Variants in VPS13C observed in about 807,000 individuals in gnomAD.
VPS13C encodes intermembrane lipid transfer protein VPS13C.
Under a neutral mutation model 456.8 loss-of-function variants are expected in VPS13C, and 358 were observed. That is an observed-to-expected ratio of 0.78 (90% CI 0.72 to 0.86). The LOEUF (loss-of-function observed/expected upper bound fraction) is 0.86, where lower values mean the gene tolerates loss of function less well. Among genes scored for constraint, VPS13C ranks in the 40% least tolerant of loss-of-function variants. The pLI, the probability that VPS13C is intolerant of heterozygous loss-of-function variation, is 0.00. For missense variants in VPS13C, 4,818 were observed against 4,385.4 expected, an observed-to-expected ratio of 1.10 and a Z score of -2.79; for synonymous variants, 1,578 against 1,486.7, an observed-to-expected ratio of 1.06 and a Z score of -1.41.
chr15:61,904,508 C>T (rs1223370069), intron 66 of VPS13C, among the ~76,000 whole-genome samples: 1 of 150,352 alleles, frequency 6.7e-6, no homozygotes, highest in East Asian at 2.0e-4. Context: ...GAGATGCTGG[C>T]ATGGAAGTGG....
At chr15:61,916,096 T>C (rs943151312) in intron 60 of VPS13C, 74 bp from the exon 61 acceptor site, 6 of 1,460,480 alleles carry the variant, frequency 4.1e-6, no homozygotes, top group African/African-American at 1.4e-5. Flanking sequence ...TTTTCACAAA[T>C]GCTAAATAAA....
chr15:62,051,062 T>C (rs1397232223), intron 1 of VPS13C, among the ~76,000 whole-genome samples: 1 of 152,150 alleles, frequency 6.6e-6, no homozygotes, highest in Non-Finnish European at 1.5e-5. Flanking sequence ...GCTTTTTAAA[T>C]ACATAATGGC....
rs1211485124 is a variant in VPS13C, at chr15:62,037,240, A to AT, written c.188-2189dup. Reference sequence around the variant, plus strand: ...ATTATATAATATATTATATATAAATATATATAATATATTTATATATATTAT... The same window carrying AT: ...ATTATATAATATATTATATATAAATATTATATAATATATTTATATATATTAT... On this transcript the variant is annotated intron_variant, in intron 3 of 84. Coordinates refer to ENST00000644861, the MANE Select transcript of VPS13C (RefSeq NM_020821.3). 3.0e-3 allele frequency among the ~76,000 whole-genome samples: 235 copies of AT among 77,810 alleles called. 13 individuals carry two copies. In the East Asian group the frequency reaches 0.053, roughly 17 times the overall value. The allele number at this position is 77,810 out of a possible 152,430, so 51.0% of individuals were successfully genotyped here. A position where few individuals can be genotyped will look rare whatever the true frequency, so the allele number is the denominator to read the frequency against.
chr15:61,978,281 T>C (rs1192298920), intron 23 of VPS13C, among the ~76,000 whole-genome samples: 1 of 152,180 alleles, frequency 6.6e-6, no homozygotes, highest in Non-Finnish European at 1.5e-5. Context: ...GAAAATAATA[T>C]TGAGTCATCC....
At chr15:61,870,432 T>C (rs1036166172) in intron 79 of VPS13C, among the ~76,000 whole-genome samples, 3 of 152,196 alleles carry the variant, frequency 2.0e-5, no homozygotes, top group East Asian at 1.9e-4. Flanking sequence ...TTTTCAAGGT[T>C]CATCCATTTT....
intron 63 of VPS13C, among the ~76,000 whole-genome samples, chr15:61,911,016 CTAACTT>C (rs752521680): frequency 5.9e-5 from 9 of 152,136 alleles, no homozygotes; most frequent in Non-Finnish European, 1.0e-4. Context: ...TCTTAGGGCT[CTAACTT>C]TATTTATATT....
At chr15:61,958,744 CTA>C (rs1886755512) in intron 36 of VPS13C, 28 bp from the exon 37 acceptor site, 11 of 1,172,806 alleles carry the variant, frequency 9.4e-6, no homozygotes, top group Non-Finnish European at 1.3e-5. Context: ...AAAAAAAAAA[CTA>C]TATTACGTTT....
chr15:61,865,370 T>C lies in VPS13C; in HGVS notation c.10864-1842A>G, dbSNP rs554359397. On this transcript the variant is annotated intron_variant, in intron 81 of 84. Coordinates refer to ENST00000644861, the MANE Select transcript of VPS13C (RefSeq NM_020821.3). ...AAAACACAATGTAATGTCACCTCAA[T>C]AGATGGCAATACAAGAATTAAAAAT... The C allele has an allele frequency of 1.5e-5, 15 of 980,938 alleles. No homozygotes were observed. In the African/African-American group the frequency reaches 2.1e-4, roughly 14 times the overall value. 60.8% of individuals were successfully genotyped at this position (980,938 alleles called of 1,614,324 possible).
intron 81 of VPS13C, chr15:61,865,356 T>C (rs1894468476): frequency 1.0e-6 from 1 of 979,614 alleles, no homozygotes; most frequent in Non-Finnish European, 1.2e-6. Context: ...AAACACAATG[T>C]AATGTCACCT....
chr15:61,907,487 C>A lies in VPS13C; in HGVS notation c.8979-97G>T, dbSNP rs143559761. 851 of 1,443,250 alleles carry A rather than the reference C, an allele frequency of 5.9e-4. 3 individuals are homozygous for A. The African/African-American group carries it at 7.8e-3, about 13-fold the overall frequency. The allele number at this position is 1,443,250 out of a possible 1,614,324, so 89.4% of individuals were successfully genotyped here. On this transcript the variant is annotated intron_variant, in intron 65 of 84. Coordinates refer to ENST00000644861, the MANE Select transcript of VPS13C (RefSeq NM_020821.3). Reference sequence around the variant, plus strand: ...GGAAGGGATTAGCACAGAAGTCCTACGAAATTGCTGTGGTTAATAAAACAC... The same window carrying A: ...GGAAGGGATTAGCACAGAAGTCCTAAGAAATTGCTGTGGTTAATAAAACAC...
intron 76 of VPS13C, 140 bp from the exon 77 acceptor site, chr15:61,875,091 C>T (rs996262737): frequency 1.5e-6 from 1 of 655,656 alleles, no homozygotes; most frequent in East Asian, 3.1e-5. Flanking sequence ...TTCACTTCTA[C>T]CCCAAATATG....
In VPS13C at chr15:61,878,719, C is replaced by T. The variant is rs748206005; in HGVS notation, c.10030G>A (p.Gly3344Arg). The T allele has an allele frequency of 3.4e-5, 55 of 1,608,850 alleles. No homozygotes were observed. Among genetic ancestry groups the T allele is most frequent in the South Asian group, 2.4e-4 (22 of 90,358 alleles). ...KLHLSLSLGS[G>R]GEESDKEKQE... The stretch of plus-strand genomic sequence containing the variant: ...TTTTCTTTGTCTGATTCTTCACCTC[C>T]GGAACCCAAAGACAAACTCAAATGC... Residue 3344 changes from glycine to arginine, a missense_variant, in exon 74 of 85, where the codon GGA becomes AGA. Gly to Arg is a moderately radical substitution (Grantham distance 125). Coordinates refer to ENST00000644861, the MANE Select transcript of VPS13C (RefSeq NM_020821.3).
chr15:61,873,081 C>A (rs1297052103), intron 78 of VPS13C, among the ~76,000 whole-genome samples, 165 bp downstream of exon 78: 2 of 151,878 alleles, frequency 1.3e-5, no homozygotes, highest in Non-Finnish European at 1.5e-5. Context: ...CTGGTGGTGA[C>A]AATGGGGAAG....
intron 62 of VPS13C, among the ~76,000 whole-genome samples, chr15:61,912,640 G>GT (rs112591175): frequency 6.8e-4 from 100 of 147,014 alleles, no homozygotes; most frequent in East Asian, 4.2e-3. Flanking sequence ...GAGCCAACTT[G>GT]TTTTTTTTTT....
intron 18 of VPS13C, among the ~76,000 whole-genome samples, chr15:61,986,938 T>A (rs1175667481): frequency 1.3e-5 from 2 of 151,786 alleles, no homozygotes; most frequent in East Asian, 3.9e-4. Flanking sequence ...ACAAAAAAAA[T>A]TTAAAAACTC....
At position 62,008,679 on chromosome 15, in the gene VPS13C, G is replaced by A. The variant is rs1158725482; in HGVS notation, c.1094C>T (p.Pro365Leu). 6 of 1,602,358 alleles carry A rather than the reference G, an allele frequency of 3.7e-6. No homozygotes were observed. The South Asian group carries it at 4.5e-5, about 12-fold the overall frequency. ...CCATCGTCGACCATTGGTATGAAGT[G>A]GTAAATAAGGCTTGTATTTCCTATA... Reference protein sequence around the residue: ...APYRKYKPYLPLHTNGRRWWK... With the variant: ...APYRKYKPYLLLHTNGRRWWK... The change falls in exon 14 of 85, where the codon CCA becomes CTA. Residue 365 changes from proline (P) to leucine (L), a missense_variant. Physicochemically the swap from Pro to Leu is moderately conservative, Grantham distance 98. Around this residue, in one of 3 missense-constraint regions of VPS13C, gnomAD observed 4,552 missense variants for 4,130.6 expected, o/e 1.10. Transcript: ENST00000644861.
At chr15:61,976,997 T>C (rs1420619023) in intron 24 of VPS13C, 85 bp downstream of exon 24, 5 of 942,468 alleles carry the variant, frequency 5.3e-6, no homozygotes, top group Non-Finnish European at 8.1e-6. Context: ...CACAGAAATC[T>C]ATCTTTGCTT....
At chr15:61,917,038 C>T (rs2043493790) in intron 60 of VPS13C, among the ~76,000 whole-genome samples, 1 of 152,074 alleles carries the variant, frequency 6.6e-6, no homozygotes, top group Admixed American at 6.6e-5. Context: ...GCTATGGGAC[C>T]TTGAGCCAGT....
chr15:61,916,742 A>C (rs1349085700), intron 60 of VPS13C, among the ~76,000 whole-genome samples: 1 of 152,094 alleles, frequency 6.6e-6, no homozygotes, highest in Non-Finnish European at 1.5e-5. Flanking sequence ...ATCATATACC[A>C]TTACTAGAAA....
Sources: gnomAD v4.1 joint callset for allele counts (sites outside exome capture counted in the v4.1 genomes callset) on GRCh38, gnomAD v4.1.1 for gene constraint, gnomAD v4.1.1 regional missense constraint, MANE v1.5 for transcripts, NCBI Gene and HGNC (gene_info 2026-07-23, HGNC 2026-07-21) for gene names.